The following GYPB variants were observed in gnomAD, a reference collection of about 807,000 sequenced individuals.
GYPB encodes glycophorin-B.
Under a neutral mutation model 15.3 loss-of-function variants are expected in GYPB, and 13 were observed. The observed-to-expected ratio is 0.85, with a 90% CI of 0.55 to 1.35. The LOEUF is 1.35. GYPB is among the 40% of genes most tolerant of loss of function. The pLI is 0.00. For synonymous variants in GYPB, 38 were observed against 36.9 expected, an observed-to-expected ratio of 1.03 and a Z score of -0.11; for missense variants, 131 against 108.3, an observed-to-expected ratio of 1.21 and a Z score of -0.93.
chr4:144,011,996 A>G lies in GYPB; in HGVS notation c.37+7255T>C, dbSNP rs192402663. ...TATTTCCTTCTATTTTGGTTTTTAAAAATATAATGATGACTGGGAAATAAG... is the reference window on the plus strand; with the variant it reads ...TATTTCCTTCTATTTTGGTTTTTAAGAATATAATGATGACTGGGAAATAAG... On this transcript the variant is annotated intron_variant, in intron 1 of 4. Coordinates refer to ENST00000502664, the MANE Select transcript of GYPB (RefSeq NM_002100.6). Among the ~76,000 whole-genome samples the G allele has an allele frequency of 2.9e-3, 435 of 150,946 alleles. 2 individuals carry two copies. Among genetic ancestry groups the G allele is most frequent in the African/African-American group, 0.01 (421 of 40,200 alleles).
intron 1 of GYPB, among the ~76,000 whole-genome samples, chr4:144,004,449 G>C (rs1389616212): frequency 3.9e-5 from 6 of 151,946 alleles, no homozygotes; most frequent in Non-Finnish European, 8.8e-5. Flanking sequence ...GTGTCATCTT[G>C]AAGGAACAAT....
At chr4:144,009,489 C>G (rs1728098495) in intron 1 of GYPB, among the ~76,000 whole-genome samples, 2 of 149,422 alleles carry the variant, frequency 1.3e-5, no homozygotes, top group Non-Finnish European at 1.5e-5. Flanking sequence ...AATATGTAAA[C>G]CAAAGCATAA....
intron 1 of GYPB, chr4:144,017,025 A>C: frequency 5.7e-6 from 2 of 351,172 alleles, no homozygotes; most frequent in South Asian, 4.7e-5. Flanking sequence ...TTTTTATCTT[A>C]TTTTAATAAG....
intron 1 of GYPB, among the ~76,000 whole-genome samples, chr4:144,012,908 AGATAT>A (rs1176712358): frequency 1.3e-5 from 2 of 151,790 alleles, no homozygotes; most frequent in African/African-American, 4.9e-5. Context: ...AATTATTTTT[AGATAT>A]GATATCAAAA....
intron 1 of GYPB, among the ~76,000 whole-genome samples, chr4:144,016,534 G>T (rs917235210): frequency 6.6e-6 from 1 of 150,918 alleles, no homozygotes; most frequent in Non-Finnish European, 1.5e-5. Context: ...AACTGTGCTA[G>T]ATTCTGGGAA....
At chr4:144,008,159 A>G (rs1402241347) in intron 1 of GYPB, among the ~76,000 whole-genome samples, 1 of 151,606 alleles carries the variant, frequency 6.6e-6, no homozygotes. Context: ...GACTTGCTTA[A>G]GTTCACACAG....
At chr4:143,999,799 G>A (rs1727526941) in intron 2 of GYPB, among the ~76,000 whole-genome samples, 1 of 151,402 alleles carries the variant, frequency 6.6e-6, no homozygotes, top group Non-Finnish European at 1.5e-5. Flanking sequence ...GAGAAGAAAG[G>A]AGGCATATGG....
chr4:144,014,026 G>GA (rs1475489635), intron 1 of GYPB, among the ~76,000 whole-genome samples: 9 of 151,594 alleles, frequency 5.9e-5, no homozygotes, highest in Admixed American at 3.3e-4. Flanking sequence ...TAGTTATTAG[G>GA]AAAATGCAAG....
At chr4:144,003,309 A>G (rs574663701) in intron 1 of GYPB, among the ~76,000 whole-genome samples, 1 of 150,722 alleles carries the variant, frequency 6.6e-6, no homozygotes, top group African/African-American at 2.5e-5. Flanking sequence ...GAAAAAAAAC[A>G]TGCGGGAGCT....
intron 1 of GYPB, chr4:144,002,535 T>A: frequency 8.3e-7 from 1 of 1,199,206 alleles, no homozygotes; most frequent in Non-Finnish European, 1.1e-6. Context: ...TAAATCATTA[T>A]GATAAACATC....
At position 144,006,030 on chromosome 4, in the gene GYPB, G is replaced by C. The variant is rs534025967; in HGVS notation, c.38-4747C>G. Among the ~76,000 whole-genome samples the C allele has an allele frequency of 8.6e-4, 130 of 151,774 alleles. 8 individuals carry two copies. The highest frequency in any genetic ancestry group is 2.9e-3 in the African/African-American group (119 of 40,994). ...AGTTTAATGATTAAGTGGCAAATTA[G>C]TGCAAAATAAAATACAAAGGTATGT... is the stretch of plus-strand genomic sequence containing the variant. On this transcript the variant is annotated intron_variant, in intron 1 of 4. Transcript: ENST00000502664.
At chr4:144,002,540 A>G in intron 1 of GYPB, 2 of 1,223,844 alleles carry the variant, frequency 1.6e-6, no homozygotes, top group Non-Finnish European at 2.1e-6. Flanking sequence ...CATTATGATA[A>G]ACATCAGTAC....
rs191798057 is a variant in GYPB, at chr4:144,016,256, A to G, written c.37+2995T>C. On this transcript the variant is annotated intron_variant, in intron 1 of 4. Coordinates refer to ENST00000502664, the MANE Select transcript of GYPB (RefSeq NM_002100.6). Reference sequence around the variant, plus strand: ...GAGTCAGATGCACAGGGTAATAATGATCTGTCTATGCGGAGCACTCACTGT... The same window carrying G: ...GAGTCAGATGCACAGGGTAATAATGGTCTGTCTATGCGGAGCACTCACTGT... Among the ~76,000 whole-genome samples the G allele has an allele frequency of 4.8e-4, 72 of 149,454 alleles. 1 individual carries two copies. Among genetic ancestry groups the G allele is most frequent in the Admixed American group, 2.2e-3 (33 of 15,068 alleles).
intron 3 of GYPB, among the ~76,000 whole-genome samples, chr4:143,998,330 G>A (rs1287064902): frequency 6.6e-6 from 1 of 151,446 alleles, no homozygotes; most frequent in Non-Finnish European, 1.5e-5. Flanking sequence ...CATATTTGTA[G>A]TACTTCCAGA....
intron 1 of GYPB, among the ~76,000 whole-genome samples, 197 bp downstream of exon 1, chr4:144,019,054 A>G (rs1328664089): frequency 2.6e-5 from 4 of 151,362 alleles, no homozygotes; most frequent in Non-Finnish European, 5.9e-5. Context: ...GGATTCGGCC[A>G]TAAATACTGG....
chr4:144,002,831 G>A (rs1452375935), intron 1 of GYPB: 1 of 431,354 alleles, frequency 2.3e-6, no homozygotes, highest in Non-Finnish European at 4.2e-6. Flanking sequence ...GAGAAGACAT[G>A]ATCTATTGTT....
At chr4:143,998,281 T>C (rs934188370) in intron 3 of GYPB, among the ~76,000 whole-genome samples, 23 of 151,520 alleles carry the variant, frequency 1.5e-4, no homozygotes, top group Non-Finnish European at 2.2e-4. Flanking sequence ...AATGAAACAA[T>C]TGAAATCAAT....
intron 1 of GYPB, among the ~76,000 whole-genome samples, chr4:144,006,861 C>T (rs1210248781): frequency 6.6e-6 from 1 of 151,618 alleles, no homozygotes; most frequent in Non-Finnish European, 1.5e-5. Flanking sequence ...GGGACAAAAA[C>T]TCATATCCAT....
chr4:143,996,090 C>G (rs564783388), downstream of GYPB: 8 of 1,319,252 alleles, frequency 6.1e-6, no homozygotes, highest in South Asian at 8.0e-5. Flanking sequence ...CAAATCATGA[C>G]TATAATACAT....
Sources: allele counts gnomAD v4.1 joint callset (sites outside exome capture counted in the v4.1 genomes callset), GRCh38; gene constraint gnomAD v4.1.1; transcripts MANE v1.5; gene names NCBI Gene and HGNC (gene_info 2026-07-23, HGNC 2026-07-21).